The following MPDZ variants were observed in gnomAD, a reference collection of about 807,000 sequenced individuals.
MPDZ encodes the protein multiple PDZ domain crumbs cell polarity complex component.
MPDZ carries 234 observed loss-of-function variants against 239.1 expected under a neutral mutation model. That is an observed-to-expected ratio of 0.98 (90% confidence interval 0.88 to 1.09). The LOEUF is 1.09. MPDZ is among the 50% of genes least tolerant of loss of function. MPDZ has a pLI of 0.00. For missense variants in MPDZ, 3,175 were observed against 2,510.0 expected, an observed-to-expected ratio of 1.26 and a Z score of -5.66; for synonymous variants, 1,048 against 881.3, an observed-to-expected ratio of 1.19 and a Z score of -3.35.
intron 10 of MPDZ, among the ~76,000 whole-genome samples, chr9:13,207,810 G>C (rs1957167493): frequency 6.6e-6 from 1 of 152,100 alleles, no homozygotes; most frequent in Non-Finnish European, 1.5e-5. Flanking sequence ...TTAAAATACA[G>C]AGCCATTGGC....
At chr9:13,211,347 G>C (rs1466041214) in intron 10 of MPDZ, among the ~76,000 whole-genome samples, 1 of 151,958 alleles carries the variant, frequency 6.6e-6, no homozygotes, top group African/African-American at 2.4e-5. Context: ...AATCCTCTTT[G>C]TCCAACATAT....
intron 22 of MPDZ, among the ~76,000 whole-genome samples, chr9:13,167,358 A>C (rs1208044083): frequency 6.6e-6 from 1 of 152,154 alleles, no homozygotes; most frequent in African/African-American, 2.4e-5. Flanking sequence ...CCATTAGTGA[A>C]GATTTTGCCT....
chr9:13,113,132 G>A (rs1452001406), intron 41 of MPDZ, 78 bp from the exon 42 acceptor site: 2 of 1,311,092 alleles, frequency 1.5e-6, no homozygotes, highest in Non-Finnish European at 2.1e-6. Flanking sequence ...TCTAAAGCTG[G>A]ATGGGACTAA....
chr9:13,113,137 G>C lies in MPDZ; in HGVS notation c.5558-83C>G, dbSNP rs532066583. 4.0e-6 allele frequency: 5 copies of C among 1,251,058 alleles called. No homozygotes were observed. The African/African-American group carries it at 6.1e-5, about 15-fold the overall frequency. 77.5% of individuals were successfully genotyped at this position (1,251,058 alleles called of 1,614,324 possible). Reference sequence around the variant, plus strand: ...CGTTAAAATATCTAAAGCTGGATGGGACTAAATGATAACCTAGGTTTCTTT... The same window carrying C: ...CGTTAAAATATCTAAAGCTGGATGGCACTAAATGATAACCTAGGTTTCTTT... On this transcript the variant is annotated intron_variant, in intron 41 of 46. Coordinates refer to ENST00000319217, the MANE Select transcript of MPDZ (RefSeq NM_001378778.1).
At chr9:13,233,068 G>A (rs1029561106) in intron 3 of MPDZ, among the ~76,000 whole-genome samples, 1 of 152,064 alleles carries the variant, frequency 6.6e-6, no homozygotes, top group African/African-American at 2.4e-5. Flanking sequence ...CATTGATGTG[G>A]AGCCACAAGA....
In MPDZ at chr9:13,234,150, A is replaced by G. The variant is rs1963308519; in HGVS notation, c.184-9567T>C. Among the ~76,000 whole-genome samples, 4 of 152,272 alleles carry G rather than the reference A, an allele frequency of 2.6e-5. No individual in the cohort carries two copies. In the South Asian group the frequency reaches 8.3e-4, roughly 32 times the overall value. ...ATATATGCTGGTACAAGGCTAATGT[A>G]ATTATGAGATTTCAAGATTATAAAT... On this transcript the variant is annotated intron_variant, in intron 3 of 46. Transcript: ENST00000319217.
At position 13,143,517 on chromosome 9, in the gene MPDZ, G is replaced by A. The variant is rs757680539; in HGVS notation, c.3789C>T (p.Asn1263=). The change falls in exon 27 of 47, where the codon AAC becomes AAT. Residue 1263 remains asparagine, a synonymous_variant. Transcript: ENST00000319217. ...SLLHNLYPKY[N]FSSTNPFADS... is the part of the protein sequence containing the mutation. Reference sequence around the variant, plus strand: ...CAGCAAATGGGTTAGTGCTGCTGAAGTTGTACTTAGGGTAAAGGTTGTGCA... The same window carrying A: ...CAGCAAATGGGTTAGTGCTGCTGAAATTGTACTTAGGGTAAAGGTTGTGCA... 1.9e-6 allele frequency: 3 copies of A among 1,613,086 alleles called. No individual in the cohort carries two copies. The Admixed American group carries it at 5.0e-5, about 27-fold the overall frequency.
At chr9:13,192,067 A>AT in intron 15 of MPDZ, 64 bp downstream of exon 15, 1 of 1,328,180 alleles carries the variant, frequency 7.5e-7, no homozygotes, top group Non-Finnish European at 9.9e-7. Context: ...TGCTTAAAAA[A>AT]TTTTAAGCCA....
chr9:13,136,390 G>A (rs1275377282), intron 30 of MPDZ, among the ~76,000 whole-genome samples: 1 of 127,562 alleles, frequency 7.8e-6, no homozygotes, highest in African/African-American at 3.2e-5. Context: ...GGAGTGTAGT[G>A]GCACAGTCTC....
intron 10 of MPDZ, among the ~76,000 whole-genome samples, chr9:13,208,194 A>G (rs185964981): frequency 1.3e-4 from 20 of 152,212 alleles, no homozygotes; most frequent in Non-Finnish European, 1.5e-5. Context: ...TAGTAATCCC[A>G]GCACTTTGGG....
chr9:13,136,608 G>T, intron 30 of MPDZ, 104 bp downstream of exon 30: 1 of 789,720 alleles, frequency 1.3e-6, no homozygotes, highest in Non-Finnish European at 2.1e-6. Context: ...TTACAGGCAT[G>T]AGCCAGCATG....
chr9:13,141,652 A>T (rs1026809224), intron 27 of MPDZ, among the ~76,000 whole-genome samples: 2 of 152,170 alleles, frequency 1.3e-5, no homozygotes, highest in East Asian at 1.9e-4. Context: ...ATAAACACGC[A>T]CAAATACTTA....
chr9:13,136,065 A>C, intron 31 of MPDZ, 27 bp downstream of exon 31: 1 of 1,449,632 alleles, frequency 6.9e-7, no homozygotes, highest in South Asian at 1.2e-5. Context: ...AAGTCTTCCC[A>C]GAGAAACAAA....
chr9:13,180,761 A>G (rs1212547784), intron 19 of MPDZ, among the ~76,000 whole-genome samples: 1 of 152,204 alleles, frequency 6.6e-6, no homozygotes, highest in Non-Finnish European at 1.5e-5. Flanking sequence ...ACCTGCCTCT[A>G]TTAAGCCAAA....
chr9:13,259,855 A>C (rs1970270704), intron 1 of MPDZ, among the ~76,000 whole-genome samples: 1 of 152,104 alleles, frequency 6.6e-6, no homozygotes, highest in Non-Finnish European at 1.5e-5. Context: ...TTTGTTTGAG[A>C]TGGAGTCTCA....
intron 19 of MPDZ, among the ~76,000 whole-genome samples, chr9:13,177,480 C>T (rs1952652785): frequency 6.6e-6 from 1 of 152,144 alleles, no homozygotes; most frequent in Non-Finnish European, 1.5e-5. Context: ...CACACTCACA[C>T]ATACAAGCAG....
At chr9:13,228,571 C>T (rs1215639789) in intron 3 of MPDZ, among the ~76,000 whole-genome samples, 1 of 152,098 alleles carries the variant, frequency 6.6e-6, no homozygotes, top group East Asian at 1.9e-4. Context: ...TTTCTTCATA[C>T]ATGCAATTTG....
chr9:13,247,840 A>G lies in MPDZ; in HGVS notation c.17-39T>C, dbSNP rs1480092661. 2.3e-5 allele frequency: 36 copies of G among 1,558,806 alleles called. No homozygotes were observed. In the Middle Eastern group the frequency reaches 7.3e-4, roughly 32 times the overall value. On this transcript the variant is annotated intron_variant, in intron 2 of 46. Transcript: ENST00000319217. The stretch of plus-strand genomic sequence containing the variant: ...CAGCATTTGTCAATAACAGGATTCA[A>G]AGGACACATGTCCAGCCTAAGAGGA...
At chr9:13,168,184 T>C (rs1218392735) in intron 22 of MPDZ, among the ~76,000 whole-genome samples, 182 bp downstream of exon 22, 1 of 152,068 alleles carries the variant, frequency 6.6e-6, no homozygotes, top group African/African-American at 2.4e-5. Flanking sequence ...ACTGATATAG[T>C]CTCAAAGAAA....
Sources: allele counts gnomAD v4.1 joint callset (sites outside exome capture counted in the v4.1 genomes callset), GRCh38; gene constraint gnomAD v4.1.1; transcripts MANE v1.5; gene names NCBI Gene and HGNC (gene_info 2026-07-23, HGNC 2026-07-21).